ANKK1: variants seen among roughly 807,000 people sequenced by gnomAD.
ANKK1 encodes the protein ankyrin repeat and kinase domain containing 1.
ANKK1 carries 37 observed loss-of-function variants against 37.6 expected under a neutral mutation model. The observed-to-expected ratio is 0.98, with a 90% confidence interval of 0.76 to 1.29. The LOEUF is 1.29. Ranked by LOEUF, ANKK1 falls within the 50% of genes most tolerant of loss-of-function variation. The probability of loss-of-function intolerance (pLI) is 0.00; values close to 1 mark genes in which losing one functional copy is unlikely to be tolerated. For missense variants in ANKK1, 1,019 were observed against 990.6 expected (o/e 1.03, Z -0.39); for synonymous variants, 415 against 418.7 (o/e 0.99, Z 0.11).
intron 4 of ANKK1, 134 bp from the exon 5 acceptor site, chr11:113,395,933 T>C (rs1158204396): frequency 1.3e-5 from 13 of 1,019,668 alleles, no homozygotes; most frequent in Non-Finnish European, 1.9e-5. Flanking sequence ...AGTCTAGCTG[T>C]TTACTCACCA....
At chr11:113,393,321 T>C (rs1315534246) in intron 1 of ANKK1, among the ~76,000 whole-genome samples, 160 bp from the exon 2 acceptor site, 1 of 152,162 alleles carries the variant, frequency 6.6e-6, no homozygotes, top group Non-Finnish European at 1.5e-5. Context: ...GCCTGCTAAG[T>C]ATTGCTTCAT....
At chr11:113,392,505 G>A (rs1950595671) in intron 1 of ANKK1, among the ~76,000 whole-genome samples, 1 of 152,230 alleles carries the variant, frequency 6.6e-6, no homozygotes, top group African/African-American at 2.4e-5. Flanking sequence ...GGAGCACATT[G>A]CCAGCAGTCT....
Position 113,395,022 on chromosome 11 carries a change from C to T in ANKK1, c.574C>T (p.Pro192Ser), listed in dbSNP as rs561588687. ...TCTGCGGGGCATGCTCAGCTACATC[C>T]CCCCTGAGATGTTCCTGGAGAGTAA... Reference protein sequence around the residue: ...SALRGMLSYIPPEMFLESNKA... With the variant: ...SALRGMLSYISPEMFLESNKA... Residue 192 changes from proline (P) to serine (S), a missense_variant, in exon 3 of 8, where the codon CCC becomes TCC. Pro to Ser is a moderately conservative substitution (Grantham distance 74, BLOSUM62 -1). Transcript: ENST00000303941. 5.0e-6 allele frequency: 8 copies of T among 1,613,400 alleles called. No homozygotes were observed. The African/African-American group carries it at 8.0e-5, about 16-fold the overall frequency.
In ANKK1 at chr11:113,399,349, A is replaced by G; in HGVS notation, c.1380A>G (p.Glu460=). The change falls in exon 8 of 8, where the codon GAA becomes GAG. Residue 460 remains glutamate, a synonymous_variant. Coordinates refer to ENST00000303941, the MANE Select transcript of ANKK1 (RefSeq NM_178510.2). The part of the protein sequence containing the change: ...HGACVDAQER[E]GWTPLHLAAQ... The stretch of plus-strand genomic sequence containing the variant: ...CCTGTGTGGATGCCCAGGAACGTGA[A>G]GGGTGGACCCCTCTTCACCTGGCTG... 6.2e-7 allele frequency: 1 copy of G among 1,600,872 alleles called. No homozygotes were observed. The highest frequency in any genetic ancestry group is 1.1e-5 in the South Asian group (1 of 88,232).
At chr11:113,390,103 G>C (rs542956597) in intron 1 of ANKK1, among the ~76,000 whole-genome samples, 14 of 152,284 alleles carry the variant, frequency 9.2e-5, no homozygotes, top group African/African-American at 2.9e-4. Context: ...ATGAGGAAGA[G>C]GGGTATTAAA....
Position 113,393,483 on chromosome 11 carries a change from C to G in ANKK1, c.188C>G (p.Ser63Cys). 1 of 1,611,848 alleles carries G rather than the reference C, an allele frequency of 6.2e-7. No individual in the cohort carries two copies. The highest frequency in any genetic ancestry group is 8.5e-7 in the Non-Finnish European group (1 of 1,178,470). Residue 63 changes from serine (S) to cysteine (C), a missense_variant and splice_region_variant, in exon 2 of 8, where the codon TCT becomes TGT. Coordinates refer to ENST00000303941, the MANE Select transcript of ANKK1 (RefSeq NM_178510.2). ...TATCTTGCTCCCCCTCTCCATAGCT[C>G]TGATGTGAATTACCTCATTGAAGAA... is the stretch of plus-strand genomic sequence containing the variant. The part of the protein sequence containing the change: ...APCLPPDAAS[S>C]DVNYLIEEAA...
rs1339338759 is a variant in ANKK1, at chr11:113,387,853, G to T, written c.-32G>T. On this transcript the variant is annotated 5_prime_UTR_variant, in exon 1 of 8. Coordinates refer to ENST00000303941, the MANE Select transcript of ANKK1 (RefSeq NM_178510.2). ...ACCCAGGCAGCAGCCACAGCGGGGA[G>T]TGCGCGGCGCGGGGACAGGAAGAGA... 1.4e-6 allele frequency: 2 copies of T among 1,466,192 alleles called. No homozygotes were observed. Among genetic ancestry groups the T allele is most frequent in the South Asian group, 2.7e-5 (2 of 74,824 alleles). The allele number at this position is 1,466,192 out of a possible 1,614,324, so 90.8% of individuals were successfully genotyped here.
At chr11:113,397,108 A>G (rs1237886674) in intron 5 of ANKK1, 116 bp from the exon 6 acceptor site, 1 of 837,054 alleles carries the variant, frequency 1.2e-6, no homozygotes, top group African/African-American at 1.7e-5. Flanking sequence ...ATATGAACAT[A>G]TGTGAGCCCA....
At position 113,400,007 on chromosome 11, in the gene ANKK1, G is replaced by A. The variant is rs773111950; in HGVS notation, c.2038G>A (p.Glu680Lys). ...STFLSVINLL[E>K]HHANVHARNK... The stretch of plus-strand genomic sequence containing the variant: ...CTTCCTGAGTGTCATCAACCTCCTA[G>A]AACATCACGCAAATGTCCACGCCCG... Residue 680 changes from glutamate to lysine, a missense_variant, in exon 8 of 8, where the codon GAA becomes AAA. By Grantham distance (56) the Glu-to-Lys change is moderately conservative (BLOSUM62 1). Coordinates refer to ENST00000303941, the MANE Select transcript of ANKK1 (RefSeq NM_178510.2). 21 of 1,613,386 alleles carry A rather than the reference G, an allele frequency of 1.3e-5. No individual in the cohort carries two copies. The highest frequency in any genetic ancestry group is 1.8e-5 in the Non-Finnish European group (21 of 1,179,848).
chr11:113,395,739 T>G (rs1216383661), intron 4 of ANKK1, among the ~76,000 whole-genome samples: 1 of 152,122 alleles, frequency 6.6e-6, no homozygotes, highest in Non-Finnish European at 1.5e-5. Flanking sequence ...GCAGGAAACT[T>G]GGGCAACCTT....
Position 113,399,719 on chromosome 11 carries a change from G to A in ANKK1, c.1750G>A (p.Ala584Thr), listed in dbSNP as rs761528851. 3.1e-6 allele frequency: 5 copies of A among 1,599,300 alleles called. No homozygotes were observed. The Admixed American group carries it at 6.9e-5, about 22-fold the overall frequency. Residue 584 changes from alanine to threonine, a missense_variant, in exon 8 of 8, where the codon GCC becomes ACC. Coordinates refer to ENST00000303941, the MANE Select transcript of ANKK1 (RefSeq NM_178510.2). ...LICKMLLRYG[A>T]SLELPTHQGW... ...CTGCAAGATGCTGCTCAGGTACGGA[G>A]CCAGCCTTGAGCTGCCCACCCACCA...
Position 113,387,995 on chromosome 11 carries a change from C to A in ANKK1, c.111C>A (p.Phe37Leu). ...LVASGGFSQV[F>L]QARHRRWRTE... ...CCAGCGGCGGCTTCAGCCAGGTGTT[C>A]CAGGCGCGGCACAGGCGCTGGCGGA... The change falls in exon 1 of 8, where the codon TTC becomes TTA. Residue 37 changes from phenylalanine to leucine, a missense_variant. Physicochemically the swap from Phe to Leu is conservative, Grantham distance 22. Coordinates refer to ENST00000303941, the MANE Select transcript of ANKK1 (RefSeq NM_178510.2). 1 of 1,570,466 alleles carries A rather than the reference C, an allele frequency of 6.4e-7. No homozygotes were observed. Among genetic ancestry groups the A allele is most frequent in the African/African-American group, 1.3e-5 (1 of 74,136 alleles).
chr11:113,391,187 C>A (rs1950584534), intron 1 of ANKK1, among the ~76,000 whole-genome samples: 1 of 152,132 alleles, frequency 6.6e-6, no homozygotes, highest in Non-Finnish European at 1.5e-5. Flanking sequence ...TGAGGTGGGA[C>A]CACACTGGGC....
intron 1 of ANKK1, among the ~76,000 whole-genome samples, chr11:113,389,955 T>G (rs1324970537): frequency 6.6e-6 from 1 of 152,200 alleles, no homozygotes; most frequent in Non-Finnish European, 1.5e-5. Context: ...GATTGTTATC[T>G]TCATTCTGAT....
rs1485786555 is a variant in ANKK1 at position 113,388,015 on chromosome 11, G to A, written c.131G>A (p.Trp44Ter). ...GTGTTCCAGGCGCGGCACAGGCGCT[G>A]GCGGACGGAGTACGCCATCAAGTGC... ...SQVFQARHRR[W>*]RTEYAIKCAP... The change falls in exon 1 of 8, where the codon TGG becomes TAG. Residue 44 changes from tryptophan to a stop codon, truncating the protein, a stop_gained. Coordinates refer to ENST00000303941, the MANE Select transcript of ANKK1 (RefSeq NM_178510.2). LOFTEE classifies it high-confidence loss of function. The A allele has an allele frequency of 6.4e-7, 1 of 1,565,508 alleles. No individual in the cohort carries two copies. Among genetic ancestry groups the A allele is most frequent in the Admixed American group, 1.8e-5 (1 of 56,110 alleles).
intron 2 of ANKK1, 154 bp from the exon 3 acceptor site, chr11:113,394,775 T>C: frequency 9.3e-7 from 1 of 1,073,474 alleles, no homozygotes; most frequent in Non-Finnish European, 1.4e-6. Flanking sequence ...GCCAAGACCA[T>C]CCAGATAGTA....
rs200103052 is a variant in ANKK1, at chr11:113,393,738, C to A, written c.443C>A (p.Pro148Gln). The A allele has an allele frequency of 5.6e-6, 9 of 1,612,440 alleles. No homozygotes were observed. The highest frequency in any genetic ancestry group is 1.7e-5 in the Admixed American group (1 of 60,018). ...KPPLLHLDLK[P>Q]GNILLDSNMH... ...CCTCTGCTCCACCTGGACCTCAAGC[C>A]GGGCAACATACTCCTGGACAGCAAC... The change falls in exon 2 of 8, where the codon CCG (proline) becomes CAG (glutamine). Residue 148 changes from proline (P) to glutamine (Q), a missense_variant. Pro to Gln is a moderately conservative substitution (Grantham distance 76). Coordinates refer to ENST00000303941, the MANE Select transcript of ANKK1 (RefSeq NM_178510.2).
intron 5 of ANKK1, 56 bp from the exon 6 acceptor site, chr11:113,397,168 G>A: frequency 7.1e-7 from 1 of 1,412,506 alleles, no homozygotes; most frequent in Non-Finnish European, 9.8e-7. Flanking sequence ...AACAGGGAGG[G>A]TACTGTGGGC....
rs1334633746 is a variant in ANKK1 at position 113,395,083 on chromosome 11, G to A, written c.632+3G>A. 2 of 1,598,830 alleles carry A rather than the reference G, an allele frequency of 1.3e-6. No homozygotes were observed. The highest frequency in any genetic ancestry group is 1.3e-5 in the African/African-American group (1 of 74,678). Reference sequence around the variant, plus strand: ...GGACCTAAATATGATGTGTACAGGTGAGAAGGAGGCCTGGCGTGATGCCAC... The same window carrying A: ...GGACCTAAATATGATGTGTACAGGTAAGAAGGAGGCCTGGCGTGATGCCAC... On this transcript the variant is annotated splice_donor_region_variant and intron_variant, in intron 3 of 7. Coordinates refer to ENST00000303941, the MANE Select transcript of ANKK1 (RefSeq NM_178510.2).
Sources: gnomAD v4.1 joint callset for allele counts (sites outside exome capture counted in the v4.1 genomes callset) on GRCh38, gnomAD v4.1.1 for gene constraint, MANE v1.5 for transcripts, NCBI Gene and HGNC (gene_info 2026-07-23, HGNC 2026-07-21) for gene names.